ARL15: variants seen among roughly 807,000 people sequenced by gnomAD.
ARL15 encodes the protein ADP-ribosylation factor-like protein 15.
Under a neutral mutation model 25.2 loss-of-function variants are expected in ARL15, and 19 were observed. The observed-to-expected ratio is 0.75, with a 90% confidence interval of 0.53 to 1.10. The LOEUF is 1.10. Among genes scored for constraint, ARL15 ranks in the 50% least tolerant of loss-of-function variants. ARL15 has a pLI of 0.00. For missense variants in ARL15, 220 were observed against 246.0 expected (o/e 0.89, Z 0.71); for synonymous variants, 94 against 86.8 (o/e 1.08, Z -0.46).
chr5:54,102,427 G>A (rs879887481), intron 4 of ARL15, among the ~76,000 whole-genome samples: 4 of 152,130 alleles, frequency 2.6e-5, no homozygotes, highest in Middle Eastern at 3.4e-3. Context: ...TTGGAAAATC[G>A]GGACATTTAT....
chr5:54,258,856 G>A (rs995782005), intron 1 of ARL15, among the ~76,000 whole-genome samples: 14 of 152,176 alleles, frequency 9.2e-5, no homozygotes, highest in African/African-American at 3.4e-4. Flanking sequence ...GGGAAACGGG[G>A]GCAGTGTCAT....
intron 2 of ARL15, among the ~76,000 whole-genome samples, chr5:54,167,334 G>A (rs1396211647): frequency 6.6e-6 from 1 of 152,042 alleles, no homozygotes; most frequent in Non-Finnish European, 1.5e-5. Context: ...CTTGCTCTCG[G>A]CTTCATCTCC....
chr5:54,153,560 G>A (rs1561244818), intron 3 of ARL15, among the ~76,000 whole-genome samples: 1 of 152,062 alleles, frequency 6.6e-6, no homozygotes, highest in Non-Finnish European at 1.5e-5. Flanking sequence ...AAAACCAAAT[G>A]TCTTAAAGAA....
chr5:53,976,937 T>C (rs1009613776), intron 4 of ARL15, among the ~76,000 whole-genome samples: 1 of 152,242 alleles, frequency 6.6e-6, no homozygotes, highest in Non-Finnish European at 1.5e-5. Flanking sequence ...ACTACAGTTG[T>C]ATTTCATTTG....
intron 4 of ARL15, among the ~76,000 whole-genome samples, chr5:54,020,306 C>A (rs999510544): frequency 1.3e-5 from 2 of 152,070 alleles, no homozygotes; most frequent in Non-Finnish European, 2.9e-5. Context: ...CTTGCAGTAC[C>A]AAGGCCACCC....
intron 1 of ARL15, among the ~76,000 whole-genome samples, chr5:54,190,663 G>A (rs1755373877): frequency 6.6e-6 from 1 of 152,146 alleles, no homozygotes; most frequent in African/African-American, 2.4e-5. Context: ...CCATTCATAA[G>A]GCCATAGCCC....
intron 4 of ARL15, among the ~76,000 whole-genome samples, chr5:53,894,611 C>T (rs549917228): frequency 6.6e-6 from 1 of 152,320 alleles, no homozygotes; most frequent in African/African-American, 2.4e-5. Flanking sequence ...ATGGGTGCTT[C>T]TTGTCTTCAG....
intron 1 of ARL15, among the ~76,000 whole-genome samples, chr5:54,215,393 A>G (rs1756166359): frequency 6.6e-6 from 1 of 152,258 alleles, no homozygotes; most frequent in East Asian, 1.9e-4. Flanking sequence ...GCCAGTCTAG[A>G]CAGTCTATTG....
rs148833900 is a variant in ARL15, at chr5:54,162,024, C to CACAG, written c.194-7386_194-7385insCTGT. Among the ~76,000 whole-genome samples, 1,266 of 145,398 alleles carry CACAG rather than the reference C, an allele frequency of 8.7e-3. 10 individuals carry two copies. Among genetic ancestry groups the CACAG allele is most frequent in the East Asian group, 0.029 (147 of 5,028 alleles). On this transcript the variant is annotated intron_variant, in intron 2 of 4. Coordinates refer to ENST00000504924, the MANE Select transcript of ARL15 (RefSeq NM_019087.3). ...ACACACACACACACACACACACACA[C>CACAG]AGAGAGAGATACACACCTGCTATGA...
intron 3 of ARL15, among the ~76,000 whole-genome samples, chr5:54,146,413 G>T (rs1753913132): frequency 6.6e-6 from 1 of 151,942 alleles, no homozygotes; most frequent in Admixed American, 6.6e-5. Flanking sequence ...TTCGACTGCT[G>T]GAAAAAAAAA....
intron 3 of ARL15, among the ~76,000 whole-genome samples, chr5:54,122,114 GT>G (rs1374902951): frequency 6.6e-6 from 1 of 152,176 alleles, no homozygotes. Context: ...ATAAACCAAA[GT>G]TTTTACTTGG....
intron 4 of ARL15, among the ~76,000 whole-genome samples, chr5:53,986,477 T>C (rs955455944): frequency 5.3e-5 from 8 of 152,228 alleles, no homozygotes; most frequent in African/African-American, 1.7e-4. Flanking sequence ...TGTTAAAATG[T>C]AGACTGCCAG....
intron 1 of ARL15, among the ~76,000 whole-genome samples, chr5:54,235,260 G>T (rs1292183471): frequency 6.6e-6 from 1 of 152,094 alleles, no homozygotes. Context: ...ATGTTAAAAG[G>T]ATTTAATTCT....
intron 2 of ARL15, among the ~76,000 whole-genome samples, chr5:54,159,878 A>T (rs78583055): frequency 2.6e-4 from 39 of 152,352 alleles, no homozygotes; most frequent in African/African-American, 9.1e-4. Flanking sequence ...TCATGCACTG[A>T]AAGCATTCCT....
At chr5:54,185,028 T>C (rs1233224860) in intron 1 of ARL15, among the ~76,000 whole-genome samples, 9 of 152,218 alleles carry the variant, frequency 5.9e-5, no homozygotes, top group African/African-American at 2.2e-4. Flanking sequence ...AGGAGCTTTA[T>C]GATCTGACCT....
At position 54,069,558 on chromosome 5, in the gene ARL15, CAAAAA is replaced by C. The variant is rs34795383; in HGVS notation, c.462+43639_462+43643del. On this transcript the variant is annotated intron_variant, in intron 4 of 4. Transcript: ENST00000504924. ...CCTGGGTGACAACAGCAAAACGTCT[CAAAAA>C]AAAAAAAAAAAAAAAAAAAAACCAC... Among the ~76,000 whole-genome samples, 422 of 48,098 alleles carry C rather than the reference CAAAAA, an allele frequency of 8.8e-3. 3 individuals carry two copies. The highest frequency in any genetic ancestry group is 0.037 in the African/African-American group (338 of 9,208). The allele number at this position is 48,098 out of a possible 152,430, so 31.6% of individuals were successfully genotyped here.
At chr5:54,120,409 C>A (rs1042491622) in intron 3 of ARL15, among the ~76,000 whole-genome samples, 9 of 152,294 alleles carry the variant, frequency 5.9e-5, no homozygotes, top group Admixed American at 1.3e-4. Flanking sequence ...AAGCACTGTA[C>A]TAAAACCACA....
chr5:54,162,026 G>C (rs72752133), intron 2 of ARL15, among the ~76,000 whole-genome samples: 32,539 of 124,636 alleles, frequency 0.26, 3,699 homozygotes, highest in African/African-American at 0.31. Flanking sequence ...CACACACACA[G>C]AGAGAGATAC....
chr5:54,120,877 T>A (rs1313331042), intron 3 of ARL15, among the ~76,000 whole-genome samples: 1 of 152,180 alleles, frequency 6.6e-6, no homozygotes, highest in East Asian at 1.9e-4. Flanking sequence ...TAAGATCTTT[T>A]AATAATGCGG....
Sources: gnomAD v4.1 joint callset for allele counts (sites outside exome capture counted in the v4.1 genomes callset) on GRCh38, gnomAD v4.1.1 for gene constraint, MANE v1.5 for transcripts, NCBI Gene and HGNC (gene_info 2026-07-23, HGNC 2026-07-21) for gene names.